NEXMIF: variants seen among roughly 807,000 people sequenced by gnomAD.
The protein encoded by NEXMIF is neurite extension and migration factor.
A neutral mutation model predicts 62.1 loss-of-function variants in NEXMIF; 8 were observed. The ratio of observed to expected loss-of-function variants is 0.13; its 90% CI spans 0.08 to 0.23. The LOEUF is 0.23. Ranked by LOEUF, NEXMIF falls within the 10% of genes least tolerant of loss-of-function variation. The probability of loss-of-function intolerance (pLI) is 1.00; values close to 1 mark genes in which losing one functional copy is unlikely to be tolerated. For synonymous variants in NEXMIF, 404 were observed against 416.6 expected (o/e 0.97, Z 0.37); for missense variants, 976 against 1,113.3 (o/e 0.88, Z 1.75).
At chrX:74,910,757 C>G (rs1373499835) in intron 1 of NEXMIF, among the ~76,000 whole-genome samples, 1 of 111,209 alleles carries the variant, frequency 9.0e-6, no homozygotes, top group Non-Finnish European at 1.9e-5. Flanking sequence ...ATTTGAATCA[C>G]GGGGGCAGTT....
chrX:74,925,400 C>T lies in NEXMIF; in HGVS notation c.-565G>A. 1 of 195,435 alleles carries T rather than the reference C, an allele frequency of 5.1e-6. No individual in the cohort carries two copies. Among genetic ancestry groups the T allele is most frequent in the South Asian group, 6.4e-5 (1 of 15,646 alleles). The allele number at this position is 195,435 out of a possible 1,213,427, so 16.1% of individuals were successfully genotyped here. ...ACTGCCGCTAATGCTACTGCTGTGG[C>T]GGCGGTGGTGGCGGCGGCGGCTGCT... On this transcript the variant is annotated 5_prime_UTR_variant, in exon 1 of 4. Coordinates refer to ENST00000055682, the MANE Select transcript of NEXMIF (RefSeq NM_001008537.3).
At chrX:74,872,577 G>C (rs931067747) in intron 1 of NEXMIF, among the ~76,000 whole-genome samples, 2 of 108,915 alleles carry the variant, frequency 1.8e-5, no homozygotes, top group Non-Finnish European at 3.8e-5. Context: ...AGTAAATATA[G>C]TAAATATTGT....
intron 1 of NEXMIF, among the ~76,000 whole-genome samples, chrX:74,877,284 G>C (rs1317643447): frequency 9.0e-6 from 1 of 111,369 alleles, no homozygotes; most frequent in East Asian, 2.8e-4. Flanking sequence ...ATTCTGGGTT[G>C]AAAATTCTTT....
intron 1 of NEXMIF, among the ~76,000 whole-genome samples, chrX:74,809,456 A>G (rs1239288223): frequency 9.0e-6 from 1 of 111,488 alleles, no homozygotes; most frequent in African/African-American, 3.3e-5. Context: ...TCCCTAGACA[A>G]ATTAGAGAAC....
At chrX:74,883,708 C>T (rs1035233333) in intron 1 of NEXMIF, among the ~76,000 whole-genome samples, 2 of 112,025 alleles carry the variant, frequency 1.8e-5, no homozygotes, top group Non-Finnish European at 3.8e-5. Context: ...TGGAACCAAG[C>T]TGGAAAACAC....
At chrX:74,770,551 A>G (rs2080206846) in intron 1 of NEXMIF, among the ~76,000 whole-genome samples, 1 of 112,395 alleles carries the variant, frequency 8.9e-6, no homozygotes, top group Admixed American at 9.5e-5. Flanking sequence ...ATCTATATAC[A>G]GTTATACAAA....
At chrX:74,888,130 G>C (rs1368585355) in intron 1 of NEXMIF, among the ~76,000 whole-genome samples, 2 of 109,130 alleles carry the variant, frequency 1.8e-5, no homozygotes, top group Non-Finnish European at 3.8e-5. Context: ...CACACACCTG[G>C]GACTGTTGTG....
intron 1 of NEXMIF, among the ~76,000 whole-genome samples, chrX:74,870,914 C>T (rs1352382301): frequency 2.7e-5 from 3 of 111,570 alleles, no homozygotes; most frequent in African/African-American, 6.5e-5. Flanking sequence ...TTTGTAGGGT[C>T]CTCAAAAAAC....
chrX:74,772,894 T>G (rs1335285279), intron 1 of NEXMIF, among the ~76,000 whole-genome samples: 1 of 110,737 alleles, frequency 9.0e-6, no homozygotes, highest in Non-Finnish European at 1.9e-5. Flanking sequence ...AACTGGGGGG[T>G]GGGGGAAATC....
At chrX:74,772,393 T>A (rs1238287330) in intron 1 of NEXMIF, among the ~76,000 whole-genome samples, 1 of 112,080 alleles carries the variant, frequency 8.9e-6, no homozygotes, top group Non-Finnish European at 1.9e-5. Context: ...TTCCCCAACA[T>A]CTTAACAAAC....
chrX:74,794,865 C>T (rs745903114), intron 1 of NEXMIF, among the ~76,000 whole-genome samples: 7 of 111,775 alleles, frequency 6.3e-5, no homozygotes, highest in East Asian at 2.8e-4. Context: ...CACTGACCTA[C>T]GCCCACTGTC....
chrX:74,752,756 ACTGACACAT>A (rs2080148182), intron 1 of NEXMIF, among the ~76,000 whole-genome samples: 1 of 111,807 alleles, frequency 8.9e-6, no homozygotes. Context: ...GCTCAACTTC[ACTGACACAT>A]CTGAGTCCCT....
At chrX:74,790,613 G>T (rs1166226421) in intron 1 of NEXMIF, among the ~76,000 whole-genome samples, 1 of 113,346 alleles carries the variant, frequency 8.8e-6, no homozygotes, top group African/African-American at 3.2e-5. Flanking sequence ...CATGAGCATG[G>T]AATGTTCTTC....
intron 1 of NEXMIF, among the ~76,000 whole-genome samples, chrX:74,900,640 G>C (rs1156406976): frequency 1.8e-5 from 2 of 111,067 alleles, no homozygotes; most frequent in African/African-American, 6.5e-5. Flanking sequence ...GTCACCATAT[G>C]ACCCAACAAT....
chrX:74,876,324 G>A (rs781211489), intron 1 of NEXMIF, among the ~76,000 whole-genome samples: 39 of 111,722 alleles, frequency 3.5e-4, no homozygotes, highest in South Asian at 2.3e-3. Context: ...TTAATCCTGA[G>A]TTCTAGTTTG....
intron 1 of NEXMIF, among the ~76,000 whole-genome samples, chrX:74,811,567 T>C (rs939871765): frequency 8.9e-6 from 1 of 112,796 alleles, no homozygotes; most frequent in African/African-American, 3.2e-5. Context: ...GCTCTATTCC[T>C]TAGCTAGTAG....
intron 1 of NEXMIF, among the ~76,000 whole-genome samples, chrX:74,877,548 A>G (rs1382695113): frequency 1.8e-5 from 2 of 111,007 alleles, no homozygotes. Flanking sequence ...GCCTTGCTAG[A>G]TTGGGGAAGT....
chrX:74,913,628 GA>G (rs372961049), intron 1 of NEXMIF, among the ~76,000 whole-genome samples: 2,412 of 80,740 alleles, frequency 0.03, 75 homozygotes, highest in African/African-American at 0.096. Flanking sequence ...AAAGACTAAA[GA>G]AAAAAAAAAA....
In NEXMIF at chrX:74,736,434, A is replaced by C. The variant is rs779640184; in HGVS notation, c.*2971T>G. ...TTAAATGGGACTCTGTTAGGGAGGC[A>C]TTAATAGGAAACAGCTTCTCAGAGG... On this transcript the variant is annotated 3_prime_UTR_variant, in exon 4 of 4. Transcript: ENST00000055682. 18 of 111,503 alleles carry C rather than the reference A, an allele frequency of 1.6e-4. No individual in the cohort carries two copies. The highest frequency in any genetic ancestry group is 9.7e-4 in the Admixed American group (10 of 10,360). The allele number at this position is 111,503 out of a possible 1,213,427, so 9.2% of individuals were successfully genotyped here.
Sources: gnomAD v4.1 joint callset for allele counts (sites outside exome capture counted in the v4.1 genomes callset) on GRCh38, gnomAD v4.1.1 for gene constraint, MANE v1.5 for transcripts, NCBI Gene and HGNC (gene_info 2026-07-23, HGNC 2026-07-21) for gene names.